The following CFAP43 variants were observed in gnomAD, a reference collection of about 807,000 sequenced individuals.
The protein encoded by CFAP43 is cilia- and flagella-associated protein 43.
In CFAP43, 155 loss-of-function variants were observed where a neutral mutation model predicts 218.9. The ratio of observed to expected loss-of-function variants is 0.71; its 90% confidence interval spans 0.62 to 0.81. The LOEUF is 0.81. Among genes scored for constraint, CFAP43 ranks in the 30% least tolerant of loss-of-function variants. The pLI, the probability that CFAP43 is intolerant of heterozygous loss-of-function variation, is 0.00. For synonymous variants in CFAP43, 645 were observed against 681.3 expected (o/e 0.95, Z 0.83); for missense variants, 1,778 against 1,954.3 (o/e 0.91, Z 1.70).
rs1392384665 is a variant in CFAP43 at position 104,230,574 on chromosome 10, G to C, written c.319+16C>G. 6.2e-7 allele frequency: 1 copy of C among 1,606,380 alleles called. No individual in the cohort carries two copies. Among genetic ancestry groups the C allele is most frequent in the Admixed American group, 1.7e-5 (1 of 58,370 alleles). ...AATCCTTCAATTATGGGCAGAGGAA[G>C]GGTTCTCTAGAATACCTTTCAATTT... On this transcript the variant is annotated intron_variant, in intron 2 of 37. Coordinates refer to ENST00000357060, the MANE Select transcript of CFAP43 (RefSeq NM_025145.7).
intron 8 of CFAP43, among the ~76,000 whole-genome samples, chr10:104,199,617 G>T (rs1016028011): frequency 2.7e-5 from 4 of 149,080 alleles, no homozygotes; most frequent in African/African-American, 9.9e-5. Flanking sequence ...AGAAGAAAAA[G>T]AAAATATAAC....
chr10:104,207,478 A>ATG (rs2090728060), intron 6 of CFAP43, among the ~76,000 whole-genome samples, 187 bp downstream of exon 6: 1 of 152,118 alleles, frequency 6.6e-6, no homozygotes, highest in Non-Finnish European at 1.5e-5. Context: ...TCTCCTCATA[A>ATG]TGTTGTTCTG....
At chr10:104,137,009 A>G (rs1227290595) in intron 34 of CFAP43, among the ~76,000 whole-genome samples, 1 of 152,220 alleles carries the variant, frequency 6.6e-6, no homozygotes, top group Non-Finnish European at 1.5e-5. Flanking sequence ...AGTGAAACCC[A>G]CATACTTTGC....
chr10:104,139,252 C>T (rs531590106), intron 34 of CFAP43, among the ~76,000 whole-genome samples: 3 of 152,126 alleles, frequency 2.0e-5, no homozygotes, highest in Admixed American at 6.5e-5. Flanking sequence ...CAATCTGACA[C>T]GTGTGTAATT....
At chr10:104,152,939 G>A (rs2088346315) in intron 27 of CFAP43, among the ~76,000 whole-genome samples, 2 of 151,942 alleles carry the variant, frequency 1.3e-5, no homozygotes, top group South Asian at 4.1e-4. Flanking sequence ...TTACATTGGG[G>A]AAAAAAACTT....
intron 6 of CFAP43, among the ~76,000 whole-genome samples, chr10:104,206,991 T>C (rs1037052908): frequency 1.3e-5 from 2 of 152,034 alleles, no homozygotes; most frequent in African/African-American, 2.4e-5. Context: ...CGGGCCAACA[T>C]GACGAAACCC....
chr10:104,208,616 A>G (rs2090765293), intron 5 of CFAP43, among the ~76,000 whole-genome samples: 1 of 152,194 alleles, frequency 6.6e-6, no homozygotes, highest in South Asian at 2.1e-4. Context: ...ATGTTTGTTG[A>G]TAATATCATC....
At chr10:104,206,437 A>G (rs1171305091) in intron 6 of CFAP43, among the ~76,000 whole-genome samples, 2 of 152,230 alleles carry the variant, frequency 1.3e-5, no homozygotes, top group African/African-American at 4.8e-5. Flanking sequence ...AATGGTGAAA[A>G]TAAATGACTG....
intron 37 of CFAP43, 93 bp downstream of exon 37, chr10:104,131,238 G>A (rs1373143448): frequency 7.1e-7 from 1 of 1,411,572 alleles, no homozygotes; most frequent in African/African-American, 1.5e-5. Context: ...TTAAAGAAAT[G>A]CTGATAGCTT....
At position 104,147,885 on chromosome 10, in the gene CFAP43, T is replaced by G; in HGVS notation, c.3768+6A>C. On this transcript the variant is annotated splice_donor_region_variant and intron_variant, in intron 29 of 37. Transcript: ENST00000357060. ...CTTGTATTCAGATTTCAGACACTATTCTTACTTTCTCGTGCTGTTTCCTTG... is the reference window on the plus strand; with the variant it reads ...CTTGTATTCAGATTTCAGACACTATGCTTACTTTCTCGTGCTGTTTCCTTG... 6.3e-7 allele frequency: 1 copy of G among 1,575,444 alleles called. No homozygotes were observed. Among genetic ancestry groups the G allele is most frequent in the Non-Finnish European group, 8.6e-7 (1 of 1,160,846 alleles).
At position 104,205,390 on chromosome 10, in the gene CFAP43, A is replaced by T. The variant is rs539768007; in HGVS notation, c.963+573T>A. Among the ~76,000 whole-genome samples the T allele has an allele frequency of 2.0e-5, 3 of 152,266 alleles. No homozygotes were observed. The South Asian group carries it at 6.2e-4, about 32-fold the overall frequency. ...TTGCTGGTGAACTCTGTGAGATTAG[A>T]TTCCTTGTCTGTAAAAGGAGGATGT... On this transcript the variant is annotated intron_variant, in intron 7 of 37. Coordinates refer to ENST00000357060, the MANE Select transcript of CFAP43 (RefSeq NM_025145.7).
chr10:104,150,396 G>C (rs943750993), intron 28 of CFAP43, among the ~76,000 whole-genome samples: 13 of 152,158 alleles, frequency 8.5e-5, no homozygotes, highest in African/African-American at 2.9e-4. Flanking sequence ...TCTGGGAACA[G>C]CTCTCTTTCC....
intron 14 of CFAP43, 31 bp downstream of exon 14, chr10:104,187,289 T>C: frequency 6.4e-7 from 1 of 1,560,454 alleles, no homozygotes; most frequent in Non-Finnish European, 8.6e-7. Flanking sequence ...ATTGCTAAGA[T>C]AAATGAGAGC....
rs755898263 is a variant in CFAP43, at chr10:104,172,490, T to C, written c.2506A>G (p.Lys836Glu). ...EENDKLENIAKLDQQEFGLDL... is the reference protein window; with the variant it reads ...EENDKLENIAELDQQEFGLDL... ...AGACCAAATTCCTGTTGGTCTAATT[T>C]TGCAATATTTTCTAGTTTGTCATTT... The change falls in exon 20 of 38, where the codon AAA becomes GAA. Residue 836 changes from lysine (K) to glutamate (E), a missense_variant. Lys to Glu is a moderately conservative substitution (Grantham distance 56). Around this residue, in one of 3 missense-constraint regions of CFAP43, gnomAD observed 1,553 missense variants for 1,685.2 expected, o/e 0.92. Transcript: ENST00000357060. 1.7e-5 allele frequency: 27 copies of C among 1,607,020 alleles called. No individual in the cohort carries two copies. The highest frequency in any genetic ancestry group is 2.3e-5 in the Non-Finnish European group (27 of 1,178,290).
intron 27 of CFAP43, 28 bp from the exon 28 acceptor site, chr10:104,152,754 C>T (rs199504904): frequency 6.5e-5 from 104 of 1,593,112 alleles, no homozygotes; most frequent in Middle Eastern, 1.7e-4. Flanking sequence ...GTAAAGTTAA[C>T]GTTTAAGAGT....
chr10:104,183,383 GTT>G (rs34324833), intron 16 of CFAP43, among the ~76,000 whole-genome samples: 51 of 130,712 alleles, frequency 3.9e-4, no homozygotes, highest in Admixed American at 1.1e-3. Flanking sequence ...CTAGACCATC[GTT>G]TTTTTTTTTT....
At chr10:104,205,146 G>C (rs775323002) in intron 7 of CFAP43, among the ~76,000 whole-genome samples, 30 of 144,868 alleles carry the variant, frequency 2.1e-4, no homozygotes, top group Non-Finnish European at 4.2e-4. Flanking sequence ...CCAGGAGTTG[G>C]AGCTTGCAGT....
chr10:104,230,593 T>G lies in CFAP43; in HGVS notation c.316A>C (p.Lys106Gln), dbSNP rs750360830. 7.4e-6 allele frequency: 12 copies of G among 1,613,778 alleles called. No individual in the cohort carries two copies. Among genetic ancestry groups the G allele is most frequent in the Non-Finnish European group, 1.0e-5 (12 of 1,179,904 alleles). Residue 106 changes from lysine (K) to glutamine (Q), a missense_variant, in exon 2 of 38, where the codon AAA becomes CAA. By Grantham distance (53) the Lys-to-Gln change is moderately conservative (BLOSUM62 1). Coordinates refer to ENST00000357060, the MANE Select transcript of CFAP43 (RefSeq NM_025145.7). ...FPGLTRRTKL[K>Q]GNILLDYTLL... ...GAGGAAGGGTTCTCTAGAATACCTTTCAATTTGGTCCTTCTGGTCAATCCT... is the reference window on the plus strand; with the variant it reads ...GAGGAAGGGTTCTCTAGAATACCTTGCAATTTGGTCCTTCTGGTCAATCCT...
At chr10:104,218,165 G>A (rs1589804061) in intron 3 of CFAP43, among the ~76,000 whole-genome samples, 1 of 151,970 alleles carries the variant, frequency 6.6e-6, no homozygotes, top group Non-Finnish European at 1.5e-5. Flanking sequence ...TGGCTAACAC[G>A]GTGAAACCCC....
Sources: allele counts gnomAD v4.1 joint callset (sites outside exome capture counted in the v4.1 genomes callset), GRCh38; gene constraint gnomAD v4.1.1; regional missense constraint gnomAD v4.1.1; transcripts MANE v1.5; gene names NCBI Gene and HGNC (gene_info 2026-07-23, HGNC 2026-07-21).